Variants in DCHS2 observed in about 807,000 individuals in gnomAD.
DCHS2 encodes protocadherin-23.
Under a neutral mutation model 182.4 loss-of-function variants are expected in DCHS2, and 142 were observed. The observed-to-expected ratio is 0.78, with a 90% CI of 0.68 to 0.89. DCHS2 has a LOEUF of 0.89. Ranked by LOEUF, DCHS2 falls within the 40% of genes least tolerant of loss-of-function variation. DCHS2 has a pLI of 0.00. For missense variants in DCHS2, 4,319 were observed against 4,198.6 expected, an observed-to-expected ratio of 1.03 and a Z score of -0.79; for synonymous variants, 1,740 against 1,663.3, an observed-to-expected ratio of 1.05 and a Z score of -1.12.
At chr4:154,369,809 C>T (rs961640816) in intron 2 of DCHS2, among the ~76,000 whole-genome samples, 1 of 152,014 alleles carries the variant, frequency 6.6e-6, no homozygotes, top group African/African-American at 2.4e-5. Flanking sequence ...TGGTAGGAAA[C>T]CCAATTTCTT....
In DCHS2 at chr4:154,438,158, A is replaced by G. The variant is rs577962686; in HGVS notation, c.2052+51146T>C. Among the ~76,000 whole-genome samples, 4 of 152,346 alleles carry G rather than the reference A, an allele frequency of 2.6e-5. No homozygotes were observed. The East Asian group carries it at 7.7e-4, about 29-fold the overall frequency. ...CATCTTGCCAGGTAAACCTAATCAAATGGTCATCCTCTGCCTGCCCTACCT... is the reference window on the plus strand; with the variant it reads ...CATCTTGCCAGGTAAACCTAATCAAGTGGTCATCCTCTGCCTGCCCTACCT... On this transcript the variant is annotated intron_variant, in intron 1 of 19. Transcript: ENST00000357232.
chr4:154,351,289 G>A (rs1223870661), intron 3 of DCHS2, among the ~76,000 whole-genome samples: 2 of 152,202 alleles, frequency 1.3e-5, no homozygotes, highest in Non-Finnish European at 2.9e-5. Context: ...CTCAATGGGA[G>A]TGTAAAGAGG....
intron 1 of DCHS2, among the ~76,000 whole-genome samples, chr4:154,449,035 G>T (rs955308716): frequency 1.1e-4 from 17 of 152,056 alleles, no homozygotes; most frequent in African/African-American, 3.6e-4. Context: ...CTGTACTCAT[G>T]CCTGACACAC....
chr4:154,394,099 C>T (rs537521681), intron 1 of DCHS2, among the ~76,000 whole-genome samples: 29 of 152,136 alleles, frequency 1.9e-4, no homozygotes, highest in Non-Finnish European at 3.2e-4. Flanking sequence ...AGGTGTGGAG[C>T]GGAAGGCTAG....
chr4:154,394,148 C>T (rs866783039), intron 1 of DCHS2, among the ~76,000 whole-genome samples: 18 of 152,210 alleles, frequency 1.2e-4, no homozygotes, highest in Middle Eastern at 6.8e-3. Flanking sequence ...TGCTTCATAA[C>T]TGTTATCAAT....
intron 1 of DCHS2, among the ~76,000 whole-genome samples, chr4:154,394,721 G>T (rs867942): frequency 6.6e-6 from 1 of 151,904 alleles, no homozygotes; most frequent in African/African-American, 2.4e-5. Context: ...GTTGCTGTTT[G>T]GTGCTATACA....
At chr4:154,486,358 T>G (rs151265868) in intron 1 of DCHS2, 1 of 1,276,142 alleles carries the variant, frequency 7.8e-7, no homozygotes, top group South Asian at 1.3e-5. Context: ...ACCCCAAACA[T>G]TGGGGATGTG....
In DCHS2 at chr4:154,377,270, C is replaced by G; in HGVS notation, c.2227G>C (p.Val743Leu). 6.2e-7 allele frequency: 1 copy of G among 1,613,298 alleles called. No homozygotes were observed. Among genetic ancestry groups the G allele is most frequent in the Non-Finnish European group, 8.5e-7 (1 of 1,179,600 alleles). Reference protein sequence around the residue: ...ERDPATYDLLVEAKDGGGLSA... With the variant: ...ERDPATYDLLLEAKDGGGLSA... ...AAACTTACCCCATCCTTAGCTTCCA[C>G]CAGGAGATCATAGGTAGCTGGATCC... is the stretch of plus-strand genomic sequence containing the variant. The change falls in exon 2 of 20, where the codon GTG becomes CTG. Residue 743 changes from valine to leucine, a missense_variant. Transcript: ENST00000357232.
Position 154,246,877 on chromosome 4 carries a change from T to C in DCHS2, c.6942-4105A>G, listed in dbSNP as rs190389658. Among the ~76,000 whole-genome samples, 207 of 150,702 alleles carry C rather than the reference T, an allele frequency of 1.4e-3. 1 individual carries two copies. The highest frequency in any genetic ancestry group is 4.8e-3 in the African/African-American group (199 of 41,084). ...CAAACAATAAATGGAAAGTAGGAAA[T>C]AAAATATAACTAACAAAGAATTCAT... On this transcript the variant is annotated intron_variant, in intron 16 of 19. Coordinates refer to ENST00000357232, the MANE Select transcript of DCHS2 (RefSeq NM_001358235.2).
intron 1 of DCHS2, among the ~76,000 whole-genome samples, chr4:154,392,071 C>A (rs1459325051): frequency 1.3e-5 from 2 of 152,052 alleles, no homozygotes; most frequent in Non-Finnish European, 2.9e-5. Context: ...TTACACTGAG[C>A]CTGATTTACT....
At chr4:154,258,823 A>G (rs1167632011) in intron 15 of DCHS2, among the ~76,000 whole-genome samples, 2 of 152,230 alleles carry the variant, frequency 1.3e-5, no homozygotes, top group African/African-American at 4.8e-5. Context: ...GACCACAGCC[A>G]TGACATTCCA....
At position 154,320,538 on chromosome 4, in the gene DCHS2, T is replaced by G. The variant is rs1383785804; in HGVS notation, c.4861A>C (p.Ile1621Leu). The change falls in exon 9 of 20, where the codon ATT becomes CTT. Residue 1621 changes from isoleucine (I) to leucine (L), a missense_variant. Transcript: ENST00000357232. ...LDVNDHNPTF[I>L]SFPNAHVKED... ...TTGACATGGGCATTGGGGAAAGAAA[T>G]AAAAGTGGGGTTGTGGTCATTTACA... The G allele has an allele frequency of 1.9e-6, 3 of 1,613,816 alleles. No individual in the cohort carries two copies. Among genetic ancestry groups the G allele is most frequent in the African/African-American group, 2.7e-5 (2 of 74,850 alleles).
intron 15 of DCHS2, among the ~76,000 whole-genome samples, chr4:154,257,446 C>T (rs898704948): frequency 6.6e-6 from 1 of 152,148 alleles, no homozygotes; most frequent in Middle Eastern, 3.2e-3. Context: ...GATGAATTGG[C>T]TGTAATTTGT....
intron 1 of DCHS2, among the ~76,000 whole-genome samples, chr4:154,395,219 A>G (rs1024750460): frequency 6.6e-6 from 1 of 152,200 alleles, no homozygotes; most frequent in Non-Finnish European, 1.5e-5. Context: ...AGTACCACAT[A>G]GTCTTTCCAC....
At chr4:154,357,449 A>C (rs959908058) in intron 3 of DCHS2, 1 of 634,068 alleles carries the variant, frequency 1.6e-6, no homozygotes, top group Non-Finnish European at 2.8e-6. Flanking sequence ...AATAATTCAC[A>C]ATCTTTCTGA....
intron 1 of DCHS2, among the ~76,000 whole-genome samples, chr4:154,451,741 T>A (rs560487182): frequency 6.6e-6 from 1 of 152,178 alleles, no homozygotes; most frequent in South Asian, 2.1e-4. Context: ...GGTTGTTTAT[T>A]TTGCTTGGAA....
intron 1 of DCHS2, among the ~76,000 whole-genome samples, chr4:154,389,900 T>G (rs1251671523): frequency 3.9e-5 from 6 of 152,050 alleles, no homozygotes; most frequent in African/African-American, 1.4e-4. Context: ...CCTGTTTCAA[T>G]AAGGCCTTGT....
At chr4:154,243,912 C>T (rs905563397) in intron 16 of DCHS2, among the ~76,000 whole-genome samples, 6 of 152,152 alleles carry the variant, frequency 3.9e-5, no homozygotes, top group African/African-American at 1.4e-4. Context: ...ACCTGACCTC[C>T]CTATTTAAAA....
At chr4:154,344,906 C>G (rs577774396) in intron 3 of DCHS2, among the ~76,000 whole-genome samples, 1 of 152,204 alleles carries the variant, frequency 6.6e-6, no homozygotes, top group Non-Finnish European at 1.5e-5. Context: ...GAGGGCAGTG[C>G]TCACTGTCCA....
Sources: allele counts gnomAD v4.1 joint callset (sites outside exome capture counted in the v4.1 genomes callset), GRCh38; gene constraint gnomAD v4.1.1; transcripts MANE v1.5; gene names NCBI Gene and HGNC (gene_info 2026-07-23, HGNC 2026-07-21).